The following GAS7 variants were observed in gnomAD, a reference collection of about 807,000 sequenced individuals.
The protein encoded by GAS7 is growth arrest-specific protein 7.
In GAS7, 28 loss-of-function variants were observed where a neutral mutation model predicts 71.1. The observed-to-expected ratio is 0.39, with a 90% CI of 0.29 to 0.54. GAS7 has a LOEUF of 0.54. Among genes scored for constraint, GAS7 ranks in the 20% least tolerant of loss-of-function variants. GAS7 has a pLI of 0.62. For missense variants in GAS7, 436 were observed against 627.8 expected (o/e 0.69, Z 3.27); for synonymous variants, 258 against 245.8 (o/e 1.05, Z -0.46).
chr17:9,966,636 T>C (rs745857994), intron 4 of GAS7, among the ~76,000 whole-genome samples: 3 of 152,136 alleles, frequency 2.0e-5, no homozygotes, highest in Admixed American at 6.5e-5. Context: ...TCTTAACCTA[T>C]TTGTATGTTT....
At chr17:9,953,835 C>T (rs1471078501) in intron 5 of GAS7, among the ~76,000 whole-genome samples, 1 of 152,232 alleles carries the variant, frequency 6.6e-6, no homozygotes, top group Non-Finnish European at 1.5e-5. Flanking sequence ...TTTTCCCTGC[C>T]ATTTCCCTCC....
At chr17:10,059,307 C>T (rs550697663) in intron 1 of GAS7, among the ~76,000 whole-genome samples, 44 of 152,316 alleles carry the variant, frequency 2.9e-4, no homozygotes, top group Non-Finnish European at 5.1e-4. Context: ...TCTCGCTACA[C>T]TGGGGAATTA....
At chr17:10,038,786 G>A (rs925653278) in intron 1 of GAS7, among the ~76,000 whole-genome samples, 4 of 145,792 alleles carry the variant, frequency 2.7e-5, no homozygotes, top group South Asian at 2.2e-4. Context: ...TGCAAGCTCC[G>A]CCTCCTGGGT....
intron 2 of GAS7, among the ~76,000 whole-genome samples, chr17:9,982,828 A>AGAAAG (rs759480515): frequency 3.2e-3 from 313 of 97,956 alleles, no homozygotes; most frequent in Non-Finnish European, 5.6e-3. Context: ...AAGAAAGGAA[A>AGAAAG]GAAAGAAAGA....
rs1188370398 is a variant in GAS7 at position 9,915,177 on chromosome 17, G to A, written c.*2051C>T. The A allele has an allele frequency of 1.3e-5, 3 of 231,382 alleles. No individual in the cohort carries two copies. The highest frequency in any genetic ancestry group is 2.2e-5 in the African/African-American group (1 of 45,264). 14.3% of individuals were successfully genotyped at this position (231,382 alleles called of 1,614,324 possible). On this transcript the variant is annotated 3_prime_UTR_variant, in exon 14 of 14. Coordinates refer to ENST00000432992, the MANE Select transcript of GAS7 (RefSeq NM_201433.2). The stretch of plus-strand genomic sequence containing the variant: ...CTGAGCTACCCTGGAAGACGCAAGA[G>A]GGCTCACTCTATCCCAGGGATGAAC...
intron 1 of GAS7, among the ~76,000 whole-genome samples, chr17:10,118,248 C>T (rs1428473645): frequency 6.6e-6 from 1 of 152,198 alleles, no homozygotes; most frequent in Non-Finnish European, 1.5e-5. Context: ...TATTTTTCCG[C>T]TTCTCACAGC....
chr17:9,934,113 T>C, intron 9 of GAS7, 53 bp downstream of exon 9: 1 of 1,155,958 alleles, frequency 8.7e-7, no homozygotes, highest in South Asian at 1.2e-5. Flanking sequence ...TTAACTATTT[T>C]TTAGTACCCC....
At chr17:10,186,290 A>T (rs977151283) in intron 1 of GAS7, among the ~76,000 whole-genome samples, 5 of 151,558 alleles carry the variant, frequency 3.3e-5, no homozygotes. Context: ...CTCGAGTGAT[A>T]TGCACACCCA....
chr17:10,134,838 T>G (rs531178243), intron 1 of GAS7, among the ~76,000 whole-genome samples: 1 of 147,180 alleles, frequency 6.8e-6, no homozygotes, highest in South Asian at 2.1e-4. Flanking sequence ...TACATCCACT[T>G]TTTTTTTTTT....
At chr17:10,084,206 T>A (rs764654002) in intron 1 of GAS7, among the ~76,000 whole-genome samples, 20 of 152,168 alleles carry the variant, frequency 1.3e-4, no homozygotes, top group Non-Finnish European at 2.9e-4. Context: ...TTTAAAAATA[T>A]GGGTTATCAA....
In GAS7 at chr17:9,974,551, T is replaced by C. The variant is rs2070109524; in HGVS notation, c.386-4789A>G. On this transcript the variant is annotated intron_variant, in intron 3 of 13. Coordinates refer to ENST00000432992, the MANE Select transcript of GAS7 (RefSeq NM_201433.2). The surrounding 1 kb of genome is among the most constrained non-coding windows in gnomAD (Gnocchi z 4.0). ...AGCAAATGTCACACTCATCTGTTTT[T>C]AAGATTTTTAAAAAGGGAACTAAAA... Among the ~76,000 whole-genome samples, 1 of 152,162 alleles carries C rather than the reference T, an allele frequency of 6.6e-6. No homozygotes were observed. Among genetic ancestry groups the C allele is most frequent in the Non-Finnish European group, 1.5e-5 (1 of 68,024 alleles).
chr17:10,190,650 G>A lies in GAS7; in HGVS notation c.183+7558C>T, dbSNP rs116471117. Among the ~76,000 whole-genome samples, 622 of 152,044 alleles carry A rather than the reference G, an allele frequency of 4.1e-3. 7 individuals carry two copies. The highest frequency in any genetic ancestry group is 0.014 in the African/African-American group (592 of 41,504). ...AAGGGACGAGGCTTGCTAGCCTACT[G>A]AACAGGAGAGGAAAGGTAAGGGGAG... On this transcript the variant is annotated intron_variant, in intron 1 of 13. Transcript: ENST00000432992.
rs776050774 is a variant in GAS7, at chr17:9,919,001, A to G, written c.1218+625T>C. ...TGGATGGACAGGGGTGGCTTTAGGC[A>G]GTGGGCTGATCCGATGAGCACCTGG... On this transcript the variant is annotated intron_variant, in intron 12 of 13. Coordinates refer to ENST00000432992, the MANE Select transcript of GAS7 (RefSeq NM_201433.2). The surrounding 1 kb of genome is among the most constrained non-coding windows in gnomAD (Gnocchi z 5.0). Among the ~76,000 whole-genome samples the G allele has an allele frequency of 6.6e-6, 1 of 152,130 alleles. No homozygotes were observed. The highest frequency in any genetic ancestry group is 1.5e-5 in the Non-Finnish European group (1 of 67,998).
chr17:10,071,644 G>C (rs1236591365), intron 1 of GAS7, among the ~76,000 whole-genome samples: 3 of 152,110 alleles, frequency 2.0e-5, no homozygotes, highest in Non-Finnish European at 2.9e-5. Context: ...ACAAATAAAG[G>C]CCAGGCGCAG....
intron 1 of GAS7, among the ~76,000 whole-genome samples, chr17:10,161,388 T>G (rs928756806): frequency 2.6e-5 from 4 of 152,212 alleles, no homozygotes; most frequent in Non-Finnish European, 5.9e-5. Flanking sequence ...TCACTCATTT[T>G]CCAATGAACC....
intron 3 of GAS7, among the ~76,000 whole-genome samples, chr17:9,978,617 G>T (rs1315501783): frequency 7.9e-5 from 12 of 152,056 alleles, no homozygotes; most frequent in Non-Finnish European, 1.0e-4. Context: ...GGAGGAGGCT[G>T]CAGTGAGCTA....
intron 8 of GAS7, 75 bp downstream of exon 8, chr17:9,940,051 C>G: frequency 1.1e-6 from 1 of 869,606 alleles, no homozygotes; most frequent in Middle Eastern, 2.5e-4. Flanking sequence ...TGCCAGTGAT[C>G]AGTGATAGTG....
intron 8 of GAS7, among the ~76,000 whole-genome samples, chr17:9,937,040 C>T (rs147285543): frequency 6.6e-6 from 1 of 152,276 alleles, no homozygotes; most frequent in East Asian, 1.9e-4. Context: ...GTTAAATGTC[C>T]AAAGCTGTGT....
At chr17:10,073,596 C>T (rs368138568) in intron 1 of GAS7, among the ~76,000 whole-genome samples, 5 of 152,324 alleles carry the variant, frequency 3.3e-5, no homozygotes, top group Non-Finnish European at 5.9e-5. Flanking sequence ...AGACCTCCTA[C>T]ATCAGACTGT....
Sources: gnomAD v4.1 joint callset for allele counts (sites outside exome capture counted in the v4.1 genomes callset) on GRCh38, gnomAD v4.1.1 for gene constraint, Gnocchi (gnomAD v3.1) non-coding constraint, MANE v1.5 for transcripts, NCBI Gene and HGNC (gene_info 2026-07-23, HGNC 2026-07-21) for gene names.